The following GREB1 variants were observed in gnomAD, a reference collection of about 807,000 sequenced individuals.
The protein encoded by GREB1 is protein GREB1.
In GREB1, 106 loss-of-function variants were observed where a neutral mutation model predicts 200.7. That is an observed-to-expected ratio of 0.53 (90% CI 0.45 to 0.62). The LOEUF (loss-of-function observed/expected upper bound fraction) is 0.62, where lower values mean the gene tolerates loss of function less well. GREB1 is among the 20% of genes least tolerant of loss of function. GREB1 has a pLI of 0.00. For synonymous variants in GREB1, 1,132 were observed against 1,092.4 expected (o/e 1.04, Z -0.72); for missense variants, 2,243 against 2,556.8 (o/e 0.88, Z 2.65).
chr2:11,581,947 C>T lies in GREB1; in HGVS notation c.901+1115C>T, dbSNP rs577287267. Among the ~76,000 whole-genome samples the T allele has an allele frequency of 9.8e-5, 15 of 152,342 alleles. No homozygotes were observed. The South Asian group carries it at 2.9e-3, about 29-fold the overall frequency. On this transcript the variant is annotated intron_variant, in intron 7 of 32. Coordinates refer to ENST00000381486, the MANE Select transcript of GREB1 (RefSeq NM_014668.4). ...GAGGCCTCCCAACCAGCACCTCCAT[C>T]CTGGAGTCCGAAACCCACAGCAGCC...
intron 22 of GREB1, among the ~76,000 whole-genome samples, chr2:11,619,531 A>G (rs1188508545): frequency 4.6e-5 from 7 of 152,228 alleles, no homozygotes; most frequent in Non-Finnish European, 7.3e-5. Context: ...TTTAAAAAGG[A>G]CAAAAGAAAA....
chr2:11,590,005 A>T (rs1376763307), intron 10 of GREB1, among the ~76,000 whole-genome samples: 2 of 152,130 alleles, frequency 1.3e-5, no homozygotes, highest in African/African-American at 4.8e-5. Flanking sequence ...TGGCTTACAG[A>T]TGACTTATAT....
chr2:11,572,762 C>A (rs1678443757), intron 4 of GREB1, among the ~76,000 whole-genome samples: 1 of 151,722 alleles, frequency 6.6e-6, no homozygotes, highest in South Asian at 2.1e-4. Flanking sequence ...AGGCACTTAA[C>A]CCGCATAGTG....
intron 1 of GREB1, among the ~76,000 whole-genome samples, chr2:11,505,712 T>C (rs1229803168): frequency 6.6e-6 from 1 of 151,980 alleles, no homozygotes; most frequent in Non-Finnish European, 1.5e-5. Context: ...CCGGGCGTGG[T>C]GATGGGTACT....
intron 17 of GREB1, among the ~76,000 whole-genome samples, chr2:11,608,261 A>G (rs1682590033): frequency 1.3e-5 from 2 of 152,334 alleles, no homozygotes; most frequent in South Asian, 2.1e-4. Flanking sequence ...TTATATCTTC[A>G]CTCAACAAGT....
At chr2:11,511,885 G>A (rs755650758) in intron 1 of GREB1, among the ~76,000 whole-genome samples, 2 of 152,100 alleles carry the variant, frequency 1.3e-5, no homozygotes, top group Admixed American at 6.5e-5. Flanking sequence ...CTGGCCCAGC[G>A]CTGGTCCGTG....
chr2:11,556,154 G>A (rs191774374), intron 1 of GREB1, among the ~76,000 whole-genome samples: 12 of 152,298 alleles, frequency 7.9e-5, no homozygotes, highest in African/African-American at 2.6e-4. Context: ...CTGGGAAGGT[G>A]GGGGAGGCCG....
chr2:11,618,749 G>T lies in GREB1; in HGVS notation c.3874G>T (p.Ala1292Ser). 1 of 1,613,350 alleles carries T rather than the reference G, an allele frequency of 6.2e-7. No individual in the cohort carries two copies. The highest frequency in any genetic ancestry group is 8.5e-7 in the Non-Finnish European group (1 of 1,179,826). ...SLLPSPSVMW[A>S]SSFRPLLSKT... ...CCTGCCCTCCCCCTCGGTCATGTGGGCCAGCTCTTTCCGCCCCCTGCTCAG... is the reference window on the plus strand; with the variant it reads ...CCTGCCCTCCCCCTCGGTCATGTGGTCCAGCTCTTTCCGCCCCCTGCTCAG... Residue 1292 changes from alanine to serine, a missense_variant, in exon 22 of 33, where the codon GCC (alanine) becomes TCC (serine). Around this residue, in one of 3 missense-constraint regions of GREB1, gnomAD observed 587 missense variants for 553.1 expected, o/e 1.06. Coordinates refer to ENST00000381486, the MANE Select transcript of GREB1 (RefSeq NM_014668.4).
chr2:11,591,064 C>T (rs1307690165), intron 10 of GREB1, among the ~76,000 whole-genome samples: 1 of 152,074 alleles, frequency 6.6e-6, no homozygotes, highest in African/African-American at 2.4e-5. Context: ...CAGTATGGCC[C>T]GTGCAGACAG....
intron 5 of GREB1, among the ~76,000 whole-genome samples, chr2:11,577,497 G>T (rs540163613): frequency 2.0e-5 from 3 of 152,232 alleles, no homozygotes; most frequent in Non-Finnish European, 4.4e-5. Flanking sequence ...TTGGGAGCAG[G>T]CTGCCCTCCC....
intron 1 of GREB1, among the ~76,000 whole-genome samples, chr2:11,510,897 T>G (rs1196134706): frequency 6.6e-6 from 1 of 152,192 alleles, no homozygotes; most frequent in Non-Finnish European, 1.5e-5. Context: ...GGTCTCGAAC[T>G]CCTGACCTCA....
intron 1 of GREB1, among the ~76,000 whole-genome samples, chr2:11,506,098 C>T (rs2148438204): frequency 6.6e-6 from 1 of 152,126 alleles, no homozygotes; most frequent in East Asian, 1.9e-4. Context: ...TGAGCACCTG[C>T]AGTATGTCAG....
intron 1 of GREB1, among the ~76,000 whole-genome samples, chr2:11,553,032 G>A (rs149072159): frequency 4.8e-5 from 7 of 146,434 alleles, no homozygotes; most frequent in East Asian, 4.0e-4. Context: ...AAAAAGAGCC[G>A]CAGATTTGAA....
At chr2:11,593,319 T>G (rs1344167634) in intron 11 of GREB1, among the ~76,000 whole-genome samples, 193 bp downstream of exon 11, 1 of 152,194 alleles carries the variant, frequency 6.6e-6, no homozygotes, top group Non-Finnish European at 1.5e-5. Flanking sequence ...TCATCCCTGC[T>G]CTGAGTGGCT....
chr2:11,590,273 C>A (rs1456449849), intron 10 of GREB1, among the ~76,000 whole-genome samples: 4 of 152,176 alleles, frequency 2.6e-5, no homozygotes, highest in African/African-American at 9.7e-5. Flanking sequence ...CTCACCGGGG[C>A]ACCATTCTTG....
intron 1 of GREB1, among the ~76,000 whole-genome samples, chr2:11,509,486 A>AAT (rs61483206): frequency 0.97 from 146,250 of 151,540 alleles, 70,775 homozygotes; most frequent in Non-Finnish European, 1. Flanking sequence ...TAAAAAAAAA[A>AAT]GTTACCACAA....
chr2:11,554,911 C>A (rs991479969), intron 1 of GREB1, among the ~76,000 whole-genome samples: 3 of 152,146 alleles, frequency 2.0e-5, no homozygotes, highest in African/African-American at 7.2e-5. Context: ...GCTGAAGTCA[C>A]CCCCCATTGC....
chr2:11,521,580 C>A (rs749065924), intron 1 of GREB1, among the ~76,000 whole-genome samples: 1 of 152,154 alleles, frequency 6.6e-6, no homozygotes, highest in Admixed American at 6.6e-5. Flanking sequence ...GCTATAAACT[C>A]GGCTGTTTCA....
At chr2:11,524,085 A>C (rs1339092839) in intron 1 of GREB1, among the ~76,000 whole-genome samples, 1 of 152,204 alleles carries the variant, frequency 6.6e-6, no homozygotes, top group African/African-American at 2.4e-5. Context: ...TACACATTGC[A>C]TTTAAATTTG....
Sources: allele counts gnomAD v4.1 joint callset (sites outside exome capture counted in the v4.1 genomes callset), GRCh38; gene constraint gnomAD v4.1.1; regional missense constraint gnomAD v4.1.1; transcripts MANE v1.5; gene names NCBI Gene and HGNC (gene_info 2026-07-23, HGNC 2026-07-21).